BDP1: variants seen among roughly 807,000 people sequenced by gnomAD.
BDP1 encodes the protein transcription factor TFIIIB component B'' homolog.
Under a neutral mutation model 266.6 loss-of-function variants are expected in BDP1, and 169 were observed. The observed-to-expected ratio is 0.63, with a 90% confidence interval of 0.56 to 0.72. BDP1 has a LOEUF of 0.72. Among genes scored for constraint, BDP1 ranks in the 30% least tolerant of loss-of-function variants. BDP1 has a pLI of 0.00. For missense variants in BDP1, 3,015 were observed against 3,053.8 expected (o/e 0.99, Z 0.30); for synonymous variants, 1,090 against 1,022.4 (o/e 1.07, Z -1.26).
At chr5:71,513,773 G>A (rs1765071677) in intron 19 of BDP1, among the ~76,000 whole-genome samples, 1 of 151,976 alleles carries the variant, frequency 6.6e-6, no homozygotes, top group South Asian at 2.1e-4. Context: ...AGGCTGGAGT[G>A]CAGTGGCGCG....
the BDP1 span, among the ~76,000 whole-genome samples, chr5:71,577,159 G>C: frequency 6.6e-6 from 1 of 152,114 alleles, no homozygotes; most frequent in African/African-American, 2.4e-5. Flanking sequence ...GCATCCCTGG[G>C]CTATGGATTC....
In BDP1 at chr5:71,549,407, T is replaced by C. The variant is rs1742583565; in HGVS notation, c.6809-13T>C. 3 of 1,593,818 alleles carry C rather than the reference T, an allele frequency of 1.9e-6. No homozygotes were observed. The highest frequency in any genetic ancestry group is 2.6e-6 in the Non-Finnish European group (3 of 1,170,832). On this transcript the variant is annotated splice_polypyrimidine_tract_variant and intron_variant, in intron 33 of 38. Coordinates refer to ENST00000358731, the MANE Select transcript of BDP1 (RefSeq NM_018429.3). ...GTTGAGCTTTTTTATTACTAACTTT[T>C]AAACTTTGATAGTGAATCTAGTTGC...
rs868373120 is a variant in BDP1, at chr5:71,460,854, G to T, written c.490-963G>T. ...CTTCAAGAATTTTACAAAATACACA[G>T]AATTTCAAGTCACTACAGGGTAAAA... On this transcript the variant is annotated intron_variant, in intron 2 of 38. Coordinates refer to ENST00000358731, the MANE Select transcript of BDP1 (RefSeq NM_018429.3). 2.0e-3 allele frequency among the ~76,000 whole-genome samples: 290 copies of T among 145,732 alleles called. 1 individual carries two copies. The highest frequency in any genetic ancestry group is 6.8e-3 in the African/African-American group (270 of 39,756).
At chr5:71,459,867 G>A (rs1225384459) in intron 2 of BDP1, among the ~76,000 whole-genome samples, 1 of 152,180 alleles carries the variant, frequency 6.6e-6, no homozygotes, top group Non-Finnish European at 1.5e-5. Context: ...CCAAAGTGAT[G>A]CTCCAGGGAA....
chr5:71,525,313 G>A, intron 25 of BDP1, among the ~76,000 whole-genome samples: 1 of 147,126 alleles, frequency 6.8e-6, no homozygotes. Flanking sequence ...CGGGCAGAGG[G>A]GCTCCTCACT....
Position 71,483,886 on chromosome 5 carries a change from CA to C in BDP1, c.1062del (p.Ala355HisfsTer37). 2 of 1,609,636 alleles carry C rather than the reference CA, an allele frequency of 1.2e-6. No homozygotes were observed. The highest frequency in any genetic ancestry group is 1.7e-6 in the Non-Finnish European group (2 of 1,176,706). ...AGAAAACAAATGGATGGAGAATAGA[CA>C]AAGCATTCCGTAAGTATTAAGACCT... ...EEKTNGWRIDKAFQEKRPFDF... is the reference protein window; with the variant it reads ...EEKTNGWRIDXAFQEKRPFDF... On this transcript the variant is annotated frameshift_variant, in exon 8 of 39. Coordinates refer to ENST00000358731, the MANE Select transcript of BDP1 (RefSeq NM_018429.3). LOFTEE classifies it high-confidence loss of function.
chr5:71,480,565 C>T (rs1459870522), intron 7 of BDP1, among the ~76,000 whole-genome samples: 4 of 88,162 alleles, frequency 4.5e-5, no homozygotes, highest in African/African-American at 7.1e-5. Flanking sequence ...CCACTGTGCC[C>T]GGCCATTTTT....
chr5:71,525,403 A>C (rs1399053838), intron 25 of BDP1, among the ~76,000 whole-genome samples: 3 of 112,088 alleles, frequency 2.7e-5, no homozygotes, highest in African/African-American at 6.9e-5. Context: ...TGACCCCCCC[A>C]CCTCCCTCCC....
chr5:71,578,066 A>G, the BDP1 span, among the ~76,000 whole-genome samples: 1 of 152,168 alleles, frequency 6.6e-6, no homozygotes, highest in African/African-American at 2.4e-5. Flanking sequence ...GCTGAGGGCC[A>G]TCGCTCCCTG....
At chr5:71,575,162 A>G in the BDP1 span, among the ~76,000 whole-genome samples, 1 of 152,224 alleles carries the variant, frequency 6.6e-6, no homozygotes, top group East Asian at 1.9e-4. Flanking sequence ...GAAAACTTTG[A>G]TAACCCAGGA....
chr5:71,474,593 A>T (rs1259104552), intron 7 of BDP1, among the ~76,000 whole-genome samples: 1 of 151,566 alleles, frequency 6.6e-6, no homozygotes, highest in Admixed American at 6.6e-5. Context: ...CACGCCTGTA[A>T]TCCTAGCACT....
chr5:71,562,617 G>A, intron 38 of BDP1, 97 bp downstream of exon 38: 1 of 1,508,136 alleles, frequency 6.6e-7, no homozygotes, highest in South Asian at 1.2e-5. Flanking sequence ...TTTATTTGAT[G>A]TCAGAAATTA....
intron 7 of BDP1, among the ~76,000 whole-genome samples, chr5:71,481,805 T>C (rs1413669505): frequency 6.6e-6 from 1 of 152,210 alleles, no homozygotes; most frequent in Non-Finnish European, 1.5e-5. Context: ...GCATGAGTTA[T>C]TATTTTCTAA....
chr5:71,465,707 C>A (rs1028083687), intron 4 of BDP1, among the ~76,000 whole-genome samples: 6 of 152,080 alleles, frequency 3.9e-5, no homozygotes, highest in African/African-American at 1.4e-4. Flanking sequence ...ATCGTGAAAA[C>A]CCGTCTCTAC....
At chr5:71,500,963 A>ACC (rs1764195493) in intron 13 of BDP1, among the ~76,000 whole-genome samples, 1 of 151,850 alleles carries the variant, frequency 6.6e-6, no homozygotes, top group Non-Finnish European at 1.5e-5. Context: ...AGCTGGGCAT[A>ACC]GTGTGCACCT....
At position 71,458,720 on chromosome 5, in the gene BDP1, A is replaced by G. The variant is rs746219977; in HGVS notation, c.354A>G (p.Leu118=). The stretch of plus-strand genomic sequence containing the variant: ...GTGTTCCTTCAGAATCTCATCCCTT[A>G]TCTACAATTAATCAAGAGGCTCCAC... ...SVSVPSESHP[L]STINQEAPQP... is the part of the protein sequence containing the mutation. Residue 118 remains leucine, a synonymous_variant, in exon 2 of 39, where the codon TTA becomes TTG. Coordinates refer to ENST00000358731, the MANE Select transcript of BDP1 (RefSeq NM_018429.3). 4 of 1,614,150 alleles carry G rather than the reference A, an allele frequency of 2.5e-6. No homozygotes were observed. The highest frequency in any genetic ancestry group is 1.7e-5 in the Admixed American group (1 of 60,014).
At position 71,513,366 on chromosome 5, in the gene BDP1, C is replaced by G. The variant is rs757431411; in HGVS notation, c.4429C>G (p.Gln1477Glu). The G allele has an allele frequency of 2.3e-5, 36 of 1,592,918 alleles. No homozygotes were observed. Among genetic ancestry groups the G allele is most frequent in the Non-Finnish European group, 3.1e-5 (36 of 1,171,032 alleles). ...ETKKMETIVM[Q>E]ENNEQTDTLP... Reference sequence around the variant, plus strand: ...CAAGAAAATGGAGACTATTGTGATGCAAGAAAATAATGAACAAACTGATAC... The same window carrying G: ...CAAGAAAATGGAGACTATTGTGATGGAAGAAAATAATGAACAAACTGATAC... Residue 1477 changes from glutamine to glutamate, a missense_variant, in exon 19 of 39, where the codon CAA becomes GAA. Coordinates refer to ENST00000358731, the MANE Select transcript of BDP1 (RefSeq NM_018429.3).
At chr5:71,481,506 G>A (rs1404653081) in intron 7 of BDP1, among the ~76,000 whole-genome samples, 1 of 151,350 alleles carries the variant, frequency 6.6e-6, no homozygotes, top group East Asian at 1.9e-4. Context: ...GCAGTGAGCT[G>A]TGATCACAGC....
chr5:71,489,037 T>C (rs1279588598), intron 9 of BDP1, among the ~76,000 whole-genome samples: 1 of 152,234 alleles, frequency 6.6e-6, no homozygotes, highest in Admixed American at 6.5e-5. Context: ...ATTTACAGTA[T>C]ACTCAACTTA....
Sources: gnomAD v4.1 joint callset for allele counts (sites outside exome capture counted in the v4.1 genomes callset) on GRCh38, gnomAD v4.1.1 for gene constraint, MANE v1.5 for transcripts, NCBI Gene and HGNC (gene_info 2026-07-23, HGNC 2026-07-21) for gene names.